Variants in AGO2 observed in about 807,000 individuals in gnomAD.
AGO2 encodes protein argonaute-2.
In AGO2, 5 loss-of-function variants were observed where a neutral mutation model predicts 102.3. The observed-to-expected ratio is 0.05, with a 90% CI of 0.03 to 0.10. AGO2 has a LOEUF of 0.10. Among genes scored for constraint, AGO2 ranks in the 10% least tolerant of loss-of-function variants. The pLI is 1.00. For missense variants in AGO2, 541 were observed against 1,183.7 expected (o/e 0.46, Z 7.97); for synonymous variants, 449 against 473.1 (o/e 0.95, Z 0.66).
At chr8:140,611,111 G>C (rs956796310) in intron 1 of AGO2, among the ~76,000 whole-genome samples, 1 of 152,162 alleles carries the variant, frequency 6.6e-6, no homozygotes, top group Non-Finnish European at 1.5e-5. Flanking sequence ...GGCCAGAGCG[G>C]CTTGTGTTTT....
chr8:140,620,261 C>T (rs1471161351), intron 1 of AGO2, among the ~76,000 whole-genome samples: 2 of 152,132 alleles, frequency 1.3e-5, no homozygotes. Flanking sequence ...GACAGATGTG[C>T]CTAAGAGCTG....
intron 16 of AGO2, among the ~76,000 whole-genome samples, chr8:140,535,772 G>A (rs955711168): frequency 6.6e-6 from 1 of 152,224 alleles, no homozygotes; most frequent in African/African-American, 2.4e-5. Flanking sequence ...GTTCCATGTG[G>A]GCTGGGGTTA....
At chr8:140,586,417 C>T (rs1001603942) in intron 1 of AGO2, among the ~76,000 whole-genome samples, 1 of 152,172 alleles carries the variant, frequency 6.6e-6, no homozygotes, top group Admixed American at 6.5e-5. Flanking sequence ...CGCTTGAACG[C>T]GGAGGTTGCA....
chr8:140,628,300 G>A (rs1373652520), intron 1 of AGO2, among the ~76,000 whole-genome samples: 3 of 152,228 alleles, frequency 2.0e-5, no homozygotes, highest in Non-Finnish European at 4.4e-5. Context: ...TGCTTCCCCA[G>A]GGAACGAACA....
chr8:140,531,965 G>A lies in AGO2; in HGVS notation c.*79C>T, dbSNP rs2072603548. 2.4e-6 allele frequency: 3 copies of A among 1,230,202 alleles called. No individual in the cohort carries two copies. Among genetic ancestry groups the A allele is most frequent in the East Asian group, 2.4e-5 (1 of 42,234 alleles). 76.2% of individuals were successfully genotyped at this position (1,230,202 alleles called of 1,614,324 possible). A position where few individuals can be genotyped will look rare whatever the true frequency, so the allele number is the denominator to read the frequency against. On this transcript the variant is annotated 3_prime_UTR_variant, in exon 19 of 19. Transcript: ENST00000220592. ...ATGTTCGATGCTGGCTGTCACGGAA[G>A]GGCTGGCCATCTGTTGGTCTGAGTG...
At chr8:140,616,830 G>C (rs2074147908) in intron 1 of AGO2, among the ~76,000 whole-genome samples, 1 of 152,242 alleles carries the variant, frequency 6.6e-6, no homozygotes, top group South Asian at 2.1e-4. Context: ...AGCAGGGGCT[G>C]AGCACAGGTG....
intron 5 of AGO2, among the ~76,000 whole-genome samples, 189 bp downstream of exon 5, chr8:140,560,185 C>G (rs1314295037): frequency 6.6e-6 from 1 of 152,372 alleles, no homozygotes; most frequent in East Asian, 1.9e-4. Flanking sequence ...TGGCTTCACG[C>G]TGGCCTGAGA....
intron 11 of AGO2, among the ~76,000 whole-genome samples, 171 bp from the exon 12 acceptor site, chr8:140,549,469 T>G (rs2132905613): frequency 6.6e-6 from 1 of 152,398 alleles, no homozygotes; most frequent in Non-Finnish European, 1.5e-5. Flanking sequence ...CTACATCTCC[T>G]AACACATACT....
rs35387146 is a variant in AGO2, at chr8:140,539,247, CT to C, written c.2169+72del. ...AGCGGCACTGTGGCCAGCAGGTTCT[CT>C]TGTGAGTGTGCTCGGGGTGTGGGGC... On this transcript the variant is annotated intron_variant, in intron 16 of 18. Transcript: ENST00000220592. This position sits in a 1 kb window ranked among gnomAD's most constrained non-coding sequence, Gnocchi z 4.7. 768,865 of 1,528,788 alleles carry C rather than the reference CT, an allele frequency of 0.5. 195,916 individuals carry two copies. The highest frequency in any genetic ancestry group is 0.69 in the East Asian group (30,046 of 43,614). The allele number at this position is 1,528,788 out of a possible 1,614,324, so 94.7% of individuals were successfully genotyped here.
chr8:140,625,086 G>A (rs1286414629), intron 1 of AGO2, among the ~76,000 whole-genome samples: 2 of 152,176 alleles, frequency 1.3e-5, no homozygotes, highest in African/African-American at 4.8e-5. Context: ...GACTAAGTCA[G>A]CTGGCGTCCC....
intron 16 of AGO2, among the ~76,000 whole-genome samples, chr8:140,538,336 G>A (rs2072733201): frequency 6.6e-6 from 1 of 152,170 alleles, no homozygotes; most frequent in Non-Finnish European, 1.5e-5. Context: ...AAGGTCTCCT[G>A]GTTCAGTCCA....
At position 140,591,727 on chromosome 8, in the gene AGO2, G is replaced by A. The variant is rs183932344; in HGVS notation, c.23-6416C>T. 38 of 152,300 alleles carry A rather than the reference G, an allele frequency of 2.5e-4. 1 individual carries two copies. Among genetic ancestry groups the A allele is most frequent in the Middle Eastern group, 3.4e-3 (1 of 294 alleles). The allele number at this position is 152,300 out of a possible 1,614,324, so 9.4% of individuals were successfully genotyped here. ...TGAAAGCCACCCCTGTGATCTTTAC[G>A]AAGAAAACTTTTCCCCATAAATTAT... is the stretch of plus-strand genomic sequence containing the variant. On this transcript the variant is annotated intron_variant, in intron 1 of 18. Transcript: ENST00000220592.
rs182548277 is a variant in AGO2, at chr8:140,539,305, C to G, written c.2169+15G>C. ...GAGAACCGTGCCCCCTGCCTGGAGT[C>G]ATGCAGAAACTCACCCGCTCGTTCT... On this transcript the variant is annotated intron_variant, in intron 16 of 18. Coordinates refer to ENST00000220592, the MANE Select transcript of AGO2 (RefSeq NM_012154.5). The surrounding 1 kb of genome is among the most constrained non-coding windows in gnomAD (Gnocchi z 4.7). The G allele has an allele frequency of 3.8e-4, 605 of 1,593,008 alleles. 1 individual carries two copies. The highest frequency in any genetic ancestry group is 4.8e-4 in the Non-Finnish European group (562 of 1,167,304).
At chr8:140,595,987 T>C (rs1444455581) in intron 1 of AGO2, among the ~76,000 whole-genome samples, 1 of 126,996 alleles carries the variant, frequency 7.9e-6, no homozygotes, top group African/African-American at 3.0e-5. Context: ...TTATATAATA[T>C]ATATATTATA....
At chr8:140,600,297 C>T (rs1042385421) in intron 1 of AGO2, among the ~76,000 whole-genome samples, 2 of 152,242 alleles carry the variant, frequency 1.3e-5, no homozygotes, top group Admixed American at 6.5e-5. Context: ...CTGCACTTGG[C>T]GAGGCCTCTG....
At chr8:140,579,158 G>A (rs1270501133) in intron 2 of AGO2, among the ~76,000 whole-genome samples, 1 of 151,932 alleles carries the variant, frequency 6.6e-6, no homozygotes, top group African/African-American at 2.4e-5. Context: ...GGGAGGTTGA[G>A]GTTGCAGTGA....
Position 140,528,700 on chromosome 8 carries a change from G to C in AGO2, c.*3344C>G, listed in dbSNP as rs2072541908. The C allele has an allele frequency of 6.6e-6, 1 of 152,178 alleles. No individual in the cohort carries two copies. The highest frequency in any genetic ancestry group is 2.4e-5 in the African/African-American group (1 of 41,428). 9.4% of individuals were successfully genotyped at this position (152,178 alleles called of 1,614,324 possible). On this transcript the variant is annotated 3_prime_UTR_variant, in exon 19 of 19. Transcript: ENST00000220592. The surrounding 1 kb of genome is among the most constrained non-coding windows in gnomAD (Gnocchi z 4.5). The stretch of plus-strand genomic sequence containing the variant: ...GCATGTAAAGACTGCTTGAACCAGA[G>C]AAAACCAAAACTTAAGGAAAACGAT...
intron 10 of AGO2, among the ~76,000 whole-genome samples, chr8:140,553,278 A>G (rs2073033299): frequency 6.6e-6 from 1 of 151,782 alleles, no homozygotes; most frequent in Non-Finnish European, 1.5e-5. Flanking sequence ...CAGCAATTCG[A>G]GAGGCTGAGG....
At chr8:140,607,557 G>A (rs182508964) in intron 1 of AGO2, among the ~76,000 whole-genome samples, 15 of 145,572 alleles carry the variant, frequency 1.0e-4, no homozygotes, top group Non-Finnish European at 1.4e-4. Flanking sequence ...TGTCACTGAC[G>A]AATGGATAAA....
Sources: allele counts gnomAD v4.1 joint callset (sites outside exome capture counted in the v4.1 genomes callset), GRCh38; gene constraint gnomAD v4.1.1; non-coding constraint Gnocchi (gnomAD v3.1); transcripts MANE v1.5; gene names NCBI Gene and HGNC (gene_info 2026-07-23, HGNC 2026-07-21).